CLIP4: variants seen among roughly 807,000 people sequenced by gnomAD.
CLIP4 encodes the protein CAP-Gly domain-containing linker protein 4.
A neutral mutation model predicts 73.1 loss-of-function variants in CLIP4; 47 were observed. That is an observed-to-expected ratio of 0.64 (90% CI 0.51 to 0.82). The LOEUF (loss-of-function observed/expected upper bound fraction) is 0.82, where lower values mean the gene tolerates loss of function less well. Ranked by LOEUF, CLIP4 falls within the 40% of genes least tolerant of loss-of-function variation. CLIP4 has a pLI of 0.00. For synonymous variants in CLIP4, 306 were observed against 295.4 expected (o/e 1.04, Z -0.37); for missense variants, 874 against 852.9 (o/e 1.02, Z -0.31).
At chr2:29,130,553 T>A (rs1164059263) in intron 2 of CLIP4, 5 of 957,206 alleles carry the variant, frequency 5.2e-6, no homozygotes, top group Non-Finnish European at 5.2e-6. Flanking sequence ...CAGGTTTTCC[T>A]GAGCTGGGGG....
chr2:29,102,823 G>A (rs147835836), intron 1 of CLIP4, among the ~76,000 whole-genome samples: 5,530 of 152,072 alleles, frequency 0.036, 293 homozygotes, highest in African/African-American at 0.11. Flanking sequence ...ACAGGGTTTC[G>A]CCATGTTGGC....
chr2:29,131,280 T>C lies in CLIP4; in HGVS notation c.156T>C (p.Asn52=), dbSNP rs1664950115. Residue 52 remains asparagine, a synonymous_variant, in exon 3 of 16, where the codon AAT becomes AAC. Transcript: ENST00000320081. ...SDCEFSFFDP[N]DASCQEILFD... ...CAGAATTTTCTTTCTTTGATCCTAA[T>C]GATGCATCATGCCAGGAAATTCTTT... 2 of 1,605,880 alleles carry C rather than the reference T, an allele frequency of 1.2e-6. No individual in the cohort carries two copies. Among genetic ancestry groups the C allele is most frequent in the Non-Finnish European group, 1.7e-6 (2 of 1,176,996 alleles).
chr2:29,128,187 GT>G (rs70958244), intron 2 of CLIP4, among the ~76,000 whole-genome samples: 76,992 of 138,358 alleles, frequency 0.56, 21,222 homozygotes, highest in Middle Eastern at 0.67. Context: ...TAATGTCTGT[GT>G]TTTTTTTTTT....
At chr2:29,133,603 T>C in intron 4 of CLIP4, 52 bp from the exon 5 acceptor site, 3 of 1,550,546 alleles carry the variant, frequency 1.9e-6, no homozygotes, top group South Asian at 1.2e-5. Context: ...TAGCCATCCA[T>C]TGGAACTTAA....
At chr2:29,179,040 C>T (rs1023432618) in intron 15 of CLIP4, among the ~76,000 whole-genome samples, 2 of 152,218 alleles carry the variant, frequency 1.3e-5, no homozygotes, top group Non-Finnish European at 2.9e-5. Flanking sequence ...AGTGATCTGC[C>T]TGCCTCAGCC....
chr2:29,166,715 A>G (rs1381206492), intron 13 of CLIP4, among the ~76,000 whole-genome samples: 2 of 152,280 alleles, frequency 1.3e-5, no homozygotes, highest in Admixed American at 6.5e-5. Context: ...TCATAAAATC[A>G]TATTCTTTGT....
chr2:29,160,503 TTAG>T, intron 12 of CLIP4, 36 bp downstream of exon 12: 1 of 1,606,508 alleles, frequency 6.2e-7, no homozygotes, highest in Non-Finnish European at 8.5e-7. Context: ...CTTGAATTCT[TTAG>T]AGTACAAAAG....
At chr2:29,148,473 T>A (rs940796770) in intron 8 of CLIP4, among the ~76,000 whole-genome samples, 2 of 152,208 alleles carry the variant, frequency 1.3e-5, no homozygotes, top group Non-Finnish European at 2.9e-5. Flanking sequence ...ATTACTGTTT[T>A]TATGTCTTTT....
At chr2:29,169,208 C>A (rs185697958) in intron 14 of CLIP4, among the ~76,000 whole-genome samples, 299 of 152,278 alleles carry the variant, frequency 2.0e-3, no homozygotes, top group Non-Finnish European at 3.5e-3. Flanking sequence ...TATTTTCTCA[C>A]AATTTCGGAG....
intron 6 of CLIP4, among the ~76,000 whole-genome samples, chr2:29,143,506 C>T (rs1346541275): frequency 1.3e-5 from 2 of 151,424 alleles, no homozygotes; most frequent in African/African-American, 4.9e-5. Context: ...TGTAATGTTC[C>T]TTGAGGGCAG....
At chr2:29,143,396 C>A (rs1324612674) in intron 6 of CLIP4, among the ~76,000 whole-genome samples, 1 of 46,538 alleles carries the variant, frequency 2.1e-5, no homozygotes. Context: ...TATTCCCCTT[C>A]CCTGTTTTTT....
At chr2:29,157,941 T>C (rs1667035275) in intron 11 of CLIP4, among the ~76,000 whole-genome samples, 1 of 152,238 alleles carries the variant, frequency 6.6e-6, no homozygotes, top group African/African-American at 2.4e-5. Context: ...AATACGTTCT[T>C]CATGAACCTC....
Position 29,130,092 on chromosome 2 carries a change from CAGA to C in CLIP4, c.134-1163_134-1161del, listed in dbSNP as rs576347647. On this transcript the variant is annotated intron_variant, in intron 2 of 15. Transcript: ENST00000320081. ...TTCAGCATAATTGGAGAGTTCTACA[CAGA>C]AGGAGGAGAGCTCAGATTCAAAAGA... 3 of 470,950 alleles carry C rather than the reference CAGA, an allele frequency of 6.4e-6. No homozygotes were observed. The East Asian group carries it at 2.1e-4, about 33-fold the overall frequency. 29.2% of individuals were successfully genotyped at this position (470,950 alleles called of 1,614,324 possible). A position where few individuals can be genotyped will look rare whatever the true frequency, so the allele number is the denominator to read the frequency against.
rs199521947 is a variant in CLIP4 at position 29,181,820 on chromosome 2, G to A, written c.2045G>A (p.Gly682Glu). 6.2e-7 allele frequency: 1 copy of A among 1,614,214 alleles called. No homozygotes were observed. The highest frequency in any genetic ancestry group is 1.6e-4 in the Middle Eastern group (1 of 6,062). Residue 682 changes from glycine to glutamate, a missense_variant, in exon 16 of 16, where the codon GGA becomes GAA. Physicochemically the swap from Gly to Glu is moderately conservative, Grantham distance 98. Coordinates refer to ENST00000320081, the MANE Select transcript of CLIP4 (RefSeq NM_024692.6). ...KRYFTCKPNH[G>E]VLVRPSRVTY... ...TATTTCACCTGTAAGCCGAACCATGGAGTCTTAGTTCGACCGAGCAGAGTG... is the reference window on the plus strand; with the variant it reads ...TATTTCACCTGTAAGCCGAACCATGAAGTCTTAGTTCGACCGAGCAGAGTG...
At chr2:29,139,332 G>T (rs994038053) in intron 6 of CLIP4, among the ~76,000 whole-genome samples, 2 of 151,770 alleles carry the variant, frequency 1.3e-5, no homozygotes, top group African/African-American at 4.8e-5. Flanking sequence ...GAACCTCCTT[G>T]CATGACTTGA....
intron 1 of CLIP4, among the ~76,000 whole-genome samples, chr2:29,104,018 G>C (rs1668130826): frequency 6.6e-6 from 1 of 151,892 alleles, no homozygotes; most frequent in African/African-American, 2.4e-5. Context: ...GCACTGCTCT[G>C]TTTTTAAACT....
intron 8 of CLIP4, among the ~76,000 whole-genome samples, chr2:29,151,144 T>A (rs1200682322): frequency 6.6e-6 from 1 of 152,176 alleles, no homozygotes; most frequent in Non-Finnish European, 1.5e-5. Flanking sequence ...GAAGTGTGAT[T>A]GGGTCATTGT....
rs1668672729 is a variant in CLIP4 at position 29,182,009 on chromosome 2, T to G, written c.*116T>G. The G allele has an allele frequency of 1.3e-6, 1 of 789,724 alleles. No homozygotes were observed. The allele number at this position is 789,724 out of a possible 1,614,324, so 48.9% of individuals were successfully genotyped here. A position where few individuals can be genotyped will look rare whatever the true frequency, so the allele number is the denominator to read the frequency against. Reference sequence around the variant, plus strand: ...AATTTTGAAAATATAGTTATCTTCTTAAAAACCATTATAACAATTCAGAGA... The same window carrying G: ...AATTTTGAAAATATAGTTATCTTCTGAAAAACCATTATAACAATTCAGAGA... On this transcript the variant is annotated 3_prime_UTR_variant, in exon 16 of 16. Coordinates refer to ENST00000320081, the MANE Select transcript of CLIP4 (RefSeq NM_024692.6).
intron 14 of CLIP4, among the ~76,000 whole-genome samples, chr2:29,173,504 C>T (rs1447552954): frequency 6.6e-6 from 1 of 152,198 alleles, no homozygotes; most frequent in African/African-American, 2.4e-5. Context: ...AGCCCAGGTT[C>T]TCTGGAATTC....
Sources: gnomAD v4.1 joint callset for allele counts (sites outside exome capture counted in the v4.1 genomes callset) on GRCh38, gnomAD v4.1.1 for gene constraint, MANE v1.5 for transcripts, NCBI Gene and HGNC (gene_info 2026-07-23, HGNC 2026-07-21) for gene names.